Variants in NAA38 observed in about 807,000 individuals in gnomAD.
NAA38 encodes the protein N-alpha-acetyltransferase 38, NatC auxiliary subunit.
A neutral mutation model predicts 12.6 loss-of-function variants in NAA38; 15 were observed. That is an observed-to-expected ratio of 1.19 (90% confidence interval 0.79 to 1.83). The LOEUF (loss-of-function observed/expected upper bound fraction) is 1.83, where lower values mean the gene tolerates loss of function less well. Among genes scored for constraint, NAA38 ranks in the 40% most tolerant of loss-of-function variants. NAA38 has a pLI of 0.00. For missense variants in NAA38, 183 were observed against 171.7 expected (o/e 1.07, Z -0.37); for synonymous variants, 88 against 69.9 (o/e 1.26, Z -1.29).
rs1219398757 is a variant in NAA38, at chr17:7,857,094, T to C, written c.186A>G (p.Thr62=). 6.2e-7 allele frequency: 1 copy of C among 1,613,554 alleles called. No homozygotes were observed. The highest frequency in any genetic ancestry group is 1.7e-5 in the Admixed American group (1 of 60,032). The change falls in exon 2 of 3, where the codon ACA becomes ACG. Residue 62 remains threonine, a synonymous_variant. Coordinates refer to ENST00000575771, the MANE Select transcript of NAA38 (RefSeq NM_001320925.4). ...CAGTGCAGAGGAAGCAGCCGACCAG[T>C]GTCCGTCCATCTGTCATGCGAATGC... is the stretch of plus-strand genomic sequence containing the variant. ...TMRIRMTDGR[T]LVGCFLCTDR... is the part of the protein sequence containing the mutation.
intron 3 of NAA38, chr17:7,865,509 C>T (rs369361996): frequency 2.6e-5 from 4 of 152,330 alleles, no homozygotes; most frequent in Non-Finnish European, 5.9e-5. Flanking sequence ...AGATGGCTGT[C>T]TCACATAGCT....
At chr17:7,857,881 G>C, upstream of NAA38, 1 of 1,388,376 alleles carries the variant, frequency 7.2e-7, no homozygotes, top group Non-Finnish European at 9.3e-7. Context: ...TGAAAGCGGC[G>C]CAACTCAATT....
chr17:7,866,407 C>T (rs1597878308), intron 3 of NAA38: 15 of 1,142,162 alleles, frequency 1.3e-5, no homozygotes, highest in Non-Finnish European at 1.7e-5. Flanking sequence ...TGCGCCCGGC[C>T]GCCACGGGGA....
At chr17:7,856,898 C>T in intron 2 of NAA38, 55 bp from the exon 3 acceptor site, 2 of 1,597,460 alleles carry the variant, frequency 1.3e-6, no homozygotes, top group South Asian at 1.1e-5. Flanking sequence ...TCCCGCCCCT[C>T]TGAGCCACGA....
intron 2 of NAA38, among the ~76,000 whole-genome samples, chr17:7,882,443 C>T (rs1277811349): frequency 1.3e-5 from 2 of 151,894 alleles, no homozygotes; most frequent in Admixed American, 6.6e-5. Context: ...TGGAAAGTCA[C>T]GTAGAGGTGA....
chr17:7,858,105 A>G (rs2078846884), upstream of NAA38: 7 of 1,612,012 alleles, frequency 4.3e-6, 1 homozygote, highest in South Asian at 6.6e-5. Context: ...GGAGTAACCA[A>G]GAGATCCAGT....
chr17:7,857,815 C>T (rs1203968462), upstream of NAA38: 6 of 1,339,058 alleles, frequency 4.5e-6, no homozygotes, highest in East Asian at 1.2e-4. Context: ...CCCATGTAGC[C>T]CAGGCCACTG....
upstream of NAA38, chr17:7,859,044 G>A (rs916801115): frequency 1.1e-5 from 6 of 567,008 alleles, no homozygotes; most frequent in Admixed American, 6.8e-5. Flanking sequence ...TATAAGCCTG[G>A]GAACAGCAGT....
intron 2 of NAA38, among the ~76,000 whole-genome samples, chr17:7,868,794 A>T (rs1967033466): frequency 6.6e-6 from 1 of 152,182 alleles, no homozygotes; most frequent in Non-Finnish European, 1.5e-5. Context: ...ATCTCTCATG[A>T]TTAGAAAATT....
chr17:7,864,736 A>G (rs1966933429), intron 3 of NAA38: 1 of 152,136 alleles, frequency 6.6e-6, no homozygotes, highest in Non-Finnish European at 1.5e-5. Flanking sequence ...TGTCTTTACT[A>G]AAAATACAAA....
intron 2 of NAA38, among the ~76,000 whole-genome samples, chr17:7,871,680 G>A (rs1481022686): frequency 1.3e-5 from 2 of 152,084 alleles, no homozygotes; most frequent in East Asian, 3.9e-4. Context: ...TCTTTGAGGT[G>A]GAGTCACTCT....
intron 2 of NAA38, among the ~76,000 whole-genome samples, chr17:7,877,391 G>T (rs7223364): frequency 0.2 from 28,775 of 147,456 alleles, 3,361 homozygotes; most frequent in East Asian, 0.38. Flanking sequence ...TTTTTTACAA[G>T]TTGCTTGTTT....
chr17:7,881,605 A>G (rs1054549581), intron 2 of NAA38, among the ~76,000 whole-genome samples: 2 of 151,706 alleles, frequency 1.3e-5, no homozygotes, highest in East Asian at 3.9e-4. Context: ...GTAAGTATGA[A>G]GACTAAAGAG....
At chr17:7,858,967 A>G, upstream of NAA38, 1 of 729,262 alleles carries the variant, frequency 1.4e-6, no homozygotes, top group East Asian at 2.8e-5. Context: ...AGGAAAGCAC[A>G]GCACCTAGGT....
Position 7,857,073 on chromosome 17 carries a change from G to A in NAA38, c.207C>T (p.Cys69=), listed in dbSNP as rs1372525018. The change falls in exon 2 of 3, where the codon TGC becomes TGT. Residue 69 remains cysteine, a synonymous_variant. Transcript: ENST00000575771. Reference sequence around the variant, plus strand: ...GGATGACATTGCAGTCACGGTCAGTGCAGAGGAAGCAGCCGACCAGTGTCC... The same window carrying A: ...GGATGACATTGCAGTCACGGTCAGTACAGAGGAAGCAGCCGACCAGTGTCC... ...DGRTLVGCFL[C]TDRDCNVILG... 3 of 1,613,454 alleles carry A rather than the reference G, an allele frequency of 1.9e-6. No individual in the cohort carries two copies. In the African/African-American group the frequency reaches 4.0e-5, roughly 22 times the overall value.
chr17:7,856,901 AG>A (rs2078821941), intron 2 of NAA38, 58 bp from the exon 3 acceptor site: 1 of 1,595,950 alleles, frequency 6.3e-7, no homozygotes, highest in Non-Finnish European at 8.6e-7. Context: ...CGCCCCTCTG[AG>A]CCACGAAAAC....
chr17:7,878,792 T>G (rs1323334386), intron 2 of NAA38, among the ~76,000 whole-genome samples: 1 of 152,146 alleles, frequency 6.6e-6, no homozygotes, highest in African/African-American at 2.4e-5. Context: ...GTTGAAAATT[T>G]TCAGATTGTA....
chr17:7,871,821 T>A (rs1380315765), intron 2 of NAA38, among the ~76,000 whole-genome samples: 1 of 152,108 alleles, frequency 6.6e-6, no homozygotes, highest in Non-Finnish European at 1.5e-5. Flanking sequence ...TGCCTGGCTA[T>A]TTTTTGTATT....
intron 3 of NAA38, chr17:7,866,399 C>A (rs1026515203): frequency 1.9e-6 from 2 of 1,071,366 alleles, no homozygotes; most frequent in Non-Finnish European, 2.4e-6. Flanking sequence ...TGAGCCATTG[C>A]GCCCGGCCGC....
Sources: gnomAD v4.1 joint callset for allele counts (sites outside exome capture counted in the v4.1 genomes callset) on GRCh38, gnomAD v4.1.1 for gene constraint, MANE v1.5 for transcripts, NCBI Gene and HGNC (gene_info 2026-07-23, HGNC 2026-07-21) for gene names.